The following ITPR2 variants were observed in gnomAD, a reference collection of about 807,000 sequenced individuals.
ITPR2 encodes inositol 1,4,5-trisphosphate-gated calcium channel ITPR2.
In ITPR2, 207 loss-of-function variants were observed where a neutral mutation model predicts 317.1. That is an observed-to-expected ratio of 0.65 (90% CI 0.58 to 0.73). ITPR2 has a LOEUF of 0.73. Ranked by LOEUF, ITPR2 falls within the 30% of genes least tolerant of loss-of-function variation. The pLI is 0.00. For synonymous variants in ITPR2, 1,156 were observed against 1,149.1 expected, an observed-to-expected ratio of 1.01 and a Z score of -0.12; for missense variants, 2,613 against 3,284.0, an observed-to-expected ratio of 0.80 and a Z score of 4.99.
At chr12:26,443,397 T>C (rs1941533787) in intron 46 of ITPR2, 146 bp downstream of exon 46, 3 of 542,852 alleles carry the variant, frequency 5.5e-6, no homozygotes, top group Admixed American at 3.5e-5. Flanking sequence ...AAATCACTCC[T>C]CACTCATCCT....
At chr12:26,759,437 G>A (rs369225474) in intron 2 of ITPR2, among the ~76,000 whole-genome samples, 10 of 152,242 alleles carry the variant, frequency 6.6e-5, no homozygotes, top group South Asian at 4.2e-4. Context: ...AGAGTAATTC[G>A]TAACTGTTTG....
intron 9 of ITPR2, among the ~76,000 whole-genome samples, chr12:26,701,650 C>A (rs947948653): frequency 3.3e-5 from 5 of 152,142 alleles, no homozygotes; most frequent in African/African-American, 1.2e-4. Flanking sequence ...ATGGCTGATA[C>A]ATTTGAGAGA....
At chr12:26,422,131 CTAA>C (rs1940916499) in intron 49 of ITPR2, among the ~76,000 whole-genome samples, 1 of 149,674 alleles carries the variant, frequency 6.7e-6, no homozygotes. Flanking sequence ...AAATTATTTA[CTAA>C]TTATTTACTA....
intron 46 of ITPR2, among the ~76,000 whole-genome samples, chr12:26,440,996 G>A (rs540270975): frequency 2.6e-5 from 4 of 152,222 alleles, no homozygotes; most frequent in South Asian, 4.1e-4. Context: ...GGTGAGGCAT[G>A]TTGGAGAAAA....
intron 43 of ITPR2, among the ~76,000 whole-genome samples, chr12:26,480,829 G>GA (rs573178851): frequency 5.2e-4 from 79 of 152,128 alleles, no homozygotes; most frequent in Non-Finnish European, 8.8e-4. Flanking sequence ...GGCAGAGCTA[G>GA]ACTTCATCTC....
rs1263061409 is a variant in ITPR2, at chr12:26,336,380, CGAAA to C, written c.*3013_*3016del. 6.6e-6 allele frequency: 1 copy of C among 152,104 alleles called. No homozygotes were observed. Among genetic ancestry groups the C allele is most frequent in the African/African-American group, 2.4e-5 (1 of 41,434 alleles). 9.4% of individuals were successfully genotyped at this position (152,104 alleles called of 1,614,324 possible). On this transcript the variant is annotated 3_prime_UTR_variant, in exon 57 of 57. Coordinates refer to ENST00000381340, the MANE Select transcript of ITPR2 (RefSeq NM_002223.4). ...GGAATAAGCACACAATTAGTTCTGA[CGAAA>C]GAAATATCTTCCTGATGTTATTAAC...
chr12:26,393,204 T>C (rs1939899906), intron 54 of ITPR2, among the ~76,000 whole-genome samples: 1 of 152,212 alleles, frequency 6.6e-6, no homozygotes, highest in South Asian at 2.1e-4. Context: ...GGAGATTCTC[T>C]CCTTTGTTAT....
At chr12:26,679,592 C>T (rs1301770026) in intron 13 of ITPR2, among the ~76,000 whole-genome samples, 1 of 152,154 alleles carries the variant, frequency 6.6e-6, no homozygotes, top group East Asian at 1.9e-4. Context: ...TGCTTAAACA[C>T]CCCCAAAGAA....
Position 26,832,786 on chromosome 12 carries a change from C to T in ITPR2, c.-5G>A. The T allele has an allele frequency of 1.9e-6, 3 of 1,596,456 alleles. No homozygotes were observed. Among genetic ancestry groups the T allele is most frequent in the Non-Finnish European group, 2.6e-6 (3 of 1,170,666 alleles). On this transcript the variant is annotated 5_prime_UTR_variant, in exon 1 of 57. Transcript: ENST00000381340. ...GCTGGACATTTTCTCAGTCATGCTG[C>T]TTCATGTTCCACAGTGGACGTCCCT... is the stretch of plus-strand genomic sequence containing the variant.
chr12:26,439,287 TA>T lies in ITPR2; in HGVS notation c.6482del (p.Ile2161LysfsTer33). On this transcript the variant is annotated frameshift_variant, in exon 47 of 57. Transcript: ENST00000381340. LOFTEE classifies it high-confidence loss of function. The part of the protein sequence containing the change: ...IVRHDRTMEQ[I>X]VFPVPNICEY... ...CACATATATTGGGGACAGGAAAAAC[TA>T]TTTGTTCCATGGTCCTATCATGCCG... 6.2e-7 allele frequency: 1 copy of T among 1,610,128 alleles called. No homozygotes were observed. Among genetic ancestry groups the T allele is most frequent in the Non-Finnish European group, 8.5e-7 (1 of 1,178,396 alleles).
chr12:26,829,553 G>C (rs1240353932), intron 1 of ITPR2, among the ~76,000 whole-genome samples: 1 of 152,084 alleles, frequency 6.6e-6, no homozygotes, highest in Non-Finnish European at 1.5e-5. Context: ...TGTTGCCCAG[G>C]CTGGATCACG....
At chr12:26,383,466 TTTTG>T (rs144997730) in intron 55 of ITPR2, among the ~76,000 whole-genome samples, 4,527 of 151,434 alleles carry the variant, frequency 0.03, 55 homozygotes, top group African/African-American at 0.046. Flanking sequence ...TTCTATGTTT[TTTTG>T]TTTGTTTGTT....
intron 37 of ITPR2, among the ~76,000 whole-genome samples, chr12:26,502,609 G>A (rs1308145873): frequency 6.6e-6 from 1 of 152,148 alleles, no homozygotes; most frequent in Non-Finnish European, 1.5e-5. Flanking sequence ...TGGGGAAAAT[G>A]GAACTTCAAG....
intron 55 of ITPR2, among the ~76,000 whole-genome samples, chr12:26,374,037 T>C (rs1246788833): frequency 1.3e-5 from 2 of 152,204 alleles, no homozygotes; most frequent in South Asian, 2.1e-4. Flanking sequence ...CTGTTCACAG[T>C]ATGTCTGTCC....
intron 21 of ITPR2, among the ~76,000 whole-genome samples, chr12:26,639,331 C>T (rs1047834869): frequency 2.0e-5 from 3 of 152,084 alleles, no homozygotes; most frequent in African/African-American, 7.2e-5. Flanking sequence ...GAAAGGCCTA[C>T]CCTTTGCGGA....
intron 34 of ITPR2, among the ~76,000 whole-genome samples, chr12:26,571,972 C>G (rs1213051233): frequency 2.6e-5 from 4 of 152,138 alleles, no homozygotes; most frequent in Non-Finnish European, 4.4e-5. Flanking sequence ...ATAAATATGA[C>G]TATAATTGAT....
At chr12:26,576,183 A>G (rs1170018488) in intron 34 of ITPR2, among the ~76,000 whole-genome samples, 1 of 152,206 alleles carries the variant, frequency 6.6e-6, no homozygotes, top group East Asian at 1.9e-4. Context: ...CCCAAATAAA[A>G]ATACATTTAC....
chr12:26,479,610 T>C (rs1035918714), intron 43 of ITPR2, among the ~76,000 whole-genome samples: 2 of 152,202 alleles, frequency 1.3e-5, no homozygotes, highest in Admixed American at 6.5e-5. Flanking sequence ...AAGCTGACTA[T>C]CTTACAGGCC....
At chr12:26,414,041 G>GTATA (rs570840795) in intron 51 of ITPR2, among the ~76,000 whole-genome samples, 3,798 of 61,606 alleles carry the variant, frequency 0.062, 80 homozygotes, top group South Asian at 0.094. Flanking sequence ...TAGTCTACAT[G>GTATA]TATATATGTA....
Sources: allele counts gnomAD v4.1 joint callset (sites outside exome capture counted in the v4.1 genomes callset), GRCh38; gene constraint gnomAD v4.1.1; transcripts MANE v1.5; gene names NCBI Gene and HGNC (gene_info 2026-07-23, HGNC 2026-07-21).